Variants in PIGL observed in about 807,000 individuals in gnomAD.
PIGL encodes the protein phosphatidylinositol glycan anchor biosynthesis class L, also known as N-acetylglucosaminyl-phosphatidylinositol de-N-acetylase.
In PIGL, 22 loss-of-function variants were observed where a neutral mutation model predicts 31.1. The observed-to-expected ratio is 0.71, with a 90% confidence interval of 0.51 to 1.01. The LOEUF (loss-of-function observed/expected upper bound fraction) is 1.01, where lower values mean the gene tolerates loss of function less well. Ranked by LOEUF, PIGL falls within the 50% of genes least tolerant of loss-of-function variation. The pLI is 0.00. For synonymous variants in PIGL, 131 were observed against 117.4 expected, an observed-to-expected ratio of 1.12 and a Z score of -0.75; for missense variants, 302 against 315.9, an observed-to-expected ratio of 0.96 and a Z score of 0.33.
intron 6 of PIGL, among the ~76,000 whole-genome samples, chr17:16,321,300 G>A (rs2093104862): frequency 6.7e-6 from 1 of 150,014 alleles, no homozygotes; most frequent in East Asian, 2.0e-4. Flanking sequence ...GAGTGCAACG[G>A]TGCGATCTCA....
chr17:16,286,524 G>A (rs1342657958), intron 2 of PIGL, among the ~76,000 whole-genome samples: 1 of 152,188 alleles, frequency 6.6e-6, no homozygotes, highest in Admixed American at 6.5e-5. Flanking sequence ...ACTGTTTGAG[G>A]ATATTCAGCC....
At chr17:16,293,975 A>G (rs923316364) in intron 2 of PIGL, among the ~76,000 whole-genome samples, 8 of 152,148 alleles carry the variant, frequency 5.3e-5, no homozygotes, top group African/African-American at 1.9e-4. Flanking sequence ...CTGGTCTCTC[A>G]TTGGCTTTTG....
chr17:16,240,122 A>T (rs2092716581), intron 2 of PIGL, among the ~76,000 whole-genome samples: 1 of 152,110 alleles, frequency 6.6e-6, no homozygotes. Flanking sequence ...TGTCCTTGTC[A>T]GTGAGTTCTG....
chr17:16,224,662 T>C (rs1038661311), intron 1 of PIGL, among the ~76,000 whole-genome samples: 1 of 151,514 alleles, frequency 6.6e-6, no homozygotes, highest in Non-Finnish European at 1.5e-5. Context: ...CTTGCTGACA[T>C]TTTTTCCCCC....
intron 6 of PIGL, among the ~76,000 whole-genome samples, chr17:16,320,229 G>GAGACAGAGA (rs2093097775): frequency 8.7e-5 from 10 of 115,584 alleles, no homozygotes; most frequent in African/African-American, 3.5e-4. Context: ...AAGGAAGGAA[G>GAGACAGAGA]GAAGGAAGGA....
Position 16,325,834 on chromosome 17 carries a change from G to A in PIGL, c.695G>A (p.Trp232Ter). Residue 232 changes from tryptophan to a stop codon, truncating the protein, a stop_gained, in exon 7 of 7, where the codon TGG becomes TAG. Transcript: ENST00000225609. LOFTEE classifies it high-confidence loss of function. ...TCCTGCCACCGCAGCCAGCTCCTCT[G>A]GTTCCGCCGCCTCTACATTATCTTC... ...AMSCHRSQLL[W>*]FRRLYIIFSR... 6.2e-7 allele frequency: 1 copy of A among 1,613,956 alleles called. No individual in the cohort carries two copies. The highest frequency in any genetic ancestry group is 8.5e-7 in the Non-Finnish European group (1 of 1,179,876).
chr17:16,228,940 T>G (rs946352529), intron 1 of PIGL, among the ~76,000 whole-genome samples: 4 of 152,202 alleles, frequency 2.6e-5, no homozygotes, highest in African/African-American at 9.7e-5. Flanking sequence ...ATTAGCATAC[T>G]GTTTTCAAAG....
chr17:16,311,946 A>G (rs2093052509), intron 3 of PIGL, among the ~76,000 whole-genome samples: 1 of 152,092 alleles, frequency 6.6e-6, no homozygotes, highest in Non-Finnish European at 1.5e-5. Context: ...CATCGTCATC[A>G]TGGCCCGTTC....
At chr17:16,276,206 T>C in intron 2 of PIGL, among the ~76,000 whole-genome samples, 1 of 152,188 alleles carries the variant, frequency 6.6e-6, no homozygotes, top group Admixed American at 6.5e-5. Context: ...AGTAAAATTA[T>C]TCAAAGTAAA....
At chr17:16,291,096 A>T (rs529939156) in intron 2 of PIGL, among the ~76,000 whole-genome samples, 9 of 152,336 alleles carry the variant, frequency 5.9e-5, no homozygotes, top group African/African-American at 2.2e-4. Context: ...ACAAGATAAA[A>T]TTGTGGTCTT....
chr17:16,318,823 T>C (rs567649604), intron 6 of PIGL, among the ~76,000 whole-genome samples: 2 of 148,288 alleles, frequency 1.3e-5, no homozygotes, highest in South Asian at 4.3e-4. Flanking sequence ...TCCAGCTACT[T>C]GGGAGGCTGA....
chr17:16,248,634 T>G (rs2092758462), intron 2 of PIGL, among the ~76,000 whole-genome samples: 1 of 152,160 alleles, frequency 6.6e-6, no homozygotes, highest in Non-Finnish European at 1.5e-5. Context: ...AGAATCACCT[T>G]TAATGTCCAT....
chr17:16,273,729 A>T (rs2092882085), intron 2 of PIGL, among the ~76,000 whole-genome samples: 1 of 152,212 alleles, frequency 6.6e-6, no homozygotes, highest in African/African-American at 2.4e-5. Context: ...GGTCTCCCAG[A>T]TGTGTGCATT....
At chr17:16,227,512 A>AC (rs1384243887) in intron 1 of PIGL, among the ~76,000 whole-genome samples, 27 of 151,756 alleles carry the variant, frequency 1.8e-4, no homozygotes, top group Non-Finnish European at 3.7e-4. Flanking sequence ...GGCTGATAAT[A>AC]TAGCATGTGA....
intron 2 of PIGL, among the ~76,000 whole-genome samples, chr17:16,260,748 C>T (rs554853279): frequency 3.3e-4 from 50 of 152,132 alleles, no homozygotes; most frequent in Non-Finnish European, 4.6e-4. Flanking sequence ...CTATCTTGCT[C>T]ACCCTCTAGT....
At chr17:16,225,584 G>A (rs2092648914) in intron 1 of PIGL, among the ~76,000 whole-genome samples, 1 of 150,150 alleles carries the variant, frequency 6.7e-6, no homozygotes, top group South Asian at 2.1e-4. Context: ...GTAGAGATGG[G>A]GTTTCACACC....
At chr17:16,295,806 T>C (rs992022520) in intron 2 of PIGL, among the ~76,000 whole-genome samples, 1 of 152,122 alleles carries the variant, frequency 6.6e-6, no homozygotes. Flanking sequence ...CTGGGCATGG[T>C]GGCACATGCC....
intron 3 of PIGL, among the ~76,000 whole-genome samples, chr17:16,301,820 C>T (rs990704939): frequency 1.1e-4 from 17 of 151,902 alleles, no homozygotes; most frequent in African/African-American, 9.7e-5. Flanking sequence ...CCACCCACCT[C>T]GGCCTCCCAA....
intron 3 of PIGL, among the ~76,000 whole-genome samples, chr17:16,310,857 T>C (rs1568840269): frequency 6.6e-6 from 1 of 152,172 alleles, no homozygotes; most frequent in Non-Finnish European, 1.5e-5. Flanking sequence ...AGAGGATGCT[T>C]GTAAAGAGCG....
Sources: gnomAD v4.1 joint callset for allele counts (sites outside exome capture counted in the v4.1 genomes callset) on GRCh38, gnomAD v4.1.1 for gene constraint, MANE v1.5 for transcripts, NCBI Gene and HGNC (gene_info 2026-07-23, HGNC 2026-07-21) for gene names.